The following UMODL1 variants were observed in gnomAD, a reference collection of about 807,000 sequenced individuals.
UMODL1 encodes uromodulin-like 1.
UMODL1 carries 128 observed loss-of-function variants against 136.3 expected under a neutral mutation model. The ratio of observed to expected loss-of-function variants is 0.94; its 90% CI spans 0.81 to 1.09. The LOEUF is 1.09. Among genes scored for constraint, UMODL1 ranks in the 50% least tolerant of loss-of-function variants. The probability of loss-of-function intolerance (pLI) is 0.00; values close to 1 mark genes in which losing one functional copy is unlikely to be tolerated. For synonymous variants in UMODL1, 721 were observed against 720.0 expected (o/e 1.00, Z -0.02); for missense variants, 1,766 against 1,725.6 (o/e 1.02, Z -0.41).
intron 9 of UMODL1, among the ~76,000 whole-genome samples, chr21:42,106,571 G>A (rs970003617): frequency 6.6e-6 from 1 of 152,172 alleles, no homozygotes. Context: ...CGGGGCCTGG[G>A]GTTTCCTGCG....
intron 21 of UMODL1, among the ~76,000 whole-genome samples, chr21:42,132,021 A>C (rs1433014382): frequency 1.3e-5 from 2 of 152,222 alleles, no homozygotes; most frequent in Admixed American, 6.5e-5. Context: ...CTAGGGGGTG[A>C]AAAGCACTAG....
At position 42,121,224 on chromosome 21, in the gene UMODL1, G is replaced by C. The variant is rs369090858; in HGVS notation, c.2827G>C (p.Gly943Arg). 1.9e-6 allele frequency: 3 copies of C among 1,608,616 alleles called. No individual in the cohort carries two copies. The highest frequency in any genetic ancestry group is 2.5e-6 in the Non-Finnish European group (3 of 1,177,634). ...GGAATATTCTGAGAGACCCTGTGAA[G>C]GTAATGTCGTCAGAGTTTCTTCTTC... ...PVEYSERPCE[G>R]DSPGNETWAT... is the part of the protein sequence containing the mutation. The change falls in exon 16 of 23, where the codon GGT becomes CGT. Residue 943 changes from glycine to arginine, a missense_variant and splice_region_variant. Transcript: ENST00000408910.
chr21:42,121,589 G>A (rs1021502186), intron 16 of UMODL1, among the ~76,000 whole-genome samples: 3 of 152,124 alleles, frequency 2.0e-5, no homozygotes, highest in Admixed American at 1.3e-4. Context: ...CGCGACACAG[G>A]GGAATGTTTC....
rs1403849685 is a variant in UMODL1 at position 42,137,462 on chromosome 21, G to C, written c.3799G>C (p.Gly1267Arg). The change falls in exon 22 of 23, where the codon GGC becomes CGC. Residue 1267 changes from glycine to arginine, a missense_variant. Coordinates refer to ENST00000408910, the MANE Select transcript of UMODL1 (RefSeq NM_001004416.3). Reference sequence around the variant, plus strand: ...AGGTGAGCCTCCTCATGCAGAAGCAGGCCTGGGTGCCGGTTATGTGGTCCT... The same window carrying C: ...AGGTGAGCCTCCTCATGCAGAAGCACGCCTGGGTGCCGGTTATGTGGTCCT... ...SEGEPPHAEAGLGAGYVVLIV... is the reference protein window; with the variant it reads ...SEGEPPHAEARLGAGYVVLIV... The C allele has an allele frequency of 3.7e-6, 6 of 1,614,144 alleles. No individual in the cohort carries two copies. The highest frequency in any genetic ancestry group is 1.7e-5 in the Admixed American group (1 of 60,012).
Position 42,102,291 on chromosome 21 carries a change from T to G in UMODL1, c.1299+13T>G, listed in dbSNP as rs753589640. ...ACTGCTTCACGAGGTAAAGCCACAATGCAGACAGAAATCTTTTCTTGGGTG... is the reference window on the plus strand; with the variant it reads ...ACTGCTTCACGAGGTAAAGCCACAAGGCAGACAGAAATCTTTTCTTGGGTG... On this transcript the variant is annotated intron_variant, in intron 8 of 22. Coordinates refer to ENST00000408910, the MANE Select transcript of UMODL1 (RefSeq NM_001004416.3). 1.9e-6 allele frequency: 3 copies of G among 1,575,782 alleles called. No individual in the cohort carries two copies. Among genetic ancestry groups the G allele is most frequent in the Non-Finnish European group, 2.6e-6 (3 of 1,148,386 alleles).
Position 42,103,270 on chromosome 21 carries a change from C to G in UMODL1, c.1300-598C>G, listed in dbSNP as rs972357547. On this transcript the variant is annotated intron_variant, in intron 8 of 22. Coordinates refer to ENST00000408910, the MANE Select transcript of UMODL1 (RefSeq NM_001004416.3). ...CAGAGTGTTGCTTCCCAACATTTGCCTGGAGGAGGAATCTGGTTTTCAATG... is the reference window on the plus strand; with the variant it reads ...CAGAGTGTTGCTTCCCAACATTTGCGTGGAGGAGGAATCTGGTTTTCAATG... The G allele has an allele frequency of 3.8e-4, 82 of 213,510 alleles. 1 individual carries two copies. Among genetic ancestry groups the G allele is most frequent in the Admixed American group, 4.7e-4 (9 of 19,224 alleles). The allele number at this position is 213,510 out of a possible 1,614,324, so 13.2% of individuals were successfully genotyped here.
intron 22 of UMODL1, among the ~76,000 whole-genome samples, chr21:42,138,319 G>C (rs953651364): frequency 6.6e-6 from 1 of 152,164 alleles, no homozygotes; most frequent in Non-Finnish European, 1.5e-5. Context: ...CTGAAACCTG[G>C]TGCTCGTAGG....
chr21:42,071,274 T>C, upstream of UMODL1: 1 of 1,476,884 alleles, frequency 6.8e-7, no homozygotes. Flanking sequence ...CCCAGGCTTC[T>C]TGGTAGAGGC....
At position 42,100,999 on chromosome 21, in the gene UMODL1, GCA is replaced by G. The variant is rs145559582; in HGVS notation, c.1187-1164_1187-1163del. On this transcript the variant is annotated intron_variant, in intron 7 of 22. Transcript: ENST00000408910. ...AAAAATACCTGCATTCCAATGTCAG[GCA>G]CAGATAATTTGGAAGACTCTAGAAG... Among the ~76,000 whole-genome samples, 170 of 147,634 alleles carry G rather than the reference GCA, an allele frequency of 1.2e-3. 5 individuals carry two copies. In the East Asian group the frequency reaches 0.026, roughly 22 times the overall value.
intron 4 of UMODL1, 61 bp from the exon 5 acceptor site, chr21:42,088,233 C>A: frequency 6.4e-7 from 1 of 1,566,352 alleles, no homozygotes; most frequent in Non-Finnish European, 8.7e-7. Flanking sequence ...GGGCCTCAGT[C>A]TCCTCGTCTG....
chr21:42,110,080 T>C (rs1206741148), intron 10 of UMODL1, among the ~76,000 whole-genome samples: 2 of 130,544 alleles, frequency 1.5e-5, no homozygotes, highest in Admixed American at 7.4e-5. Flanking sequence ...CCCGAGAGGG[T>C]GTGGCCTGGA....
chr21:42,100,647 C>T (rs146298972), intron 7 of UMODL1, among the ~76,000 whole-genome samples: 2 of 152,128 alleles, frequency 1.3e-5, no homozygotes, highest in Non-Finnish European at 2.9e-5. Flanking sequence ...CATTACAGAA[C>T]CATCCTCCAG....
chr21:42,071,045 A>G (rs1307795641), upstream of UMODL1, among the ~76,000 whole-genome samples: 2 of 152,198 alleles, frequency 1.3e-5, no homozygotes, highest in South Asian at 2.1e-4. Flanking sequence ...CACCTTTCCT[A>G]AAAGATGCCA....
At chr21:42,091,158 T>C (rs966177696) in intron 6 of UMODL1, among the ~76,000 whole-genome samples, 3 of 152,234 alleles carry the variant, frequency 2.0e-5, no homozygotes, top group African/African-American at 7.2e-5. Context: ...ATTTAGGTGC[T>C]ATTCACTGTG....
chr21:42,079,729 T>C (rs1178463769), intron 2 of UMODL1, among the ~76,000 whole-genome samples: 5 of 152,160 alleles, frequency 3.3e-5, no homozygotes, highest in Non-Finnish European at 7.4e-5. Flanking sequence ...CATGTGGGGA[T>C]CCAGGCTAGG....
chr21:42,115,539 G>A (rs1358752052), intron 13 of UMODL1, among the ~76,000 whole-genome samples: 1 of 152,202 alleles, frequency 6.6e-6, no homozygotes, highest in East Asian at 1.9e-4. Context: ...CATGCTTCAA[G>A]TCATGCCAGC....
intron 8 of UMODL1, 67 bp downstream of exon 8, chr21:42,102,345 G>C (rs893360718): frequency 8.4e-7 from 1 of 1,193,070 alleles, no homozygotes; most frequent in Non-Finnish European, 1.2e-6. Flanking sequence ...AACACAAGCC[G>C]TTAATTCCTG....
chr21:42,089,095 G>A (rs527925651), intron 5 of UMODL1, among the ~76,000 whole-genome samples: 9 of 152,234 alleles, frequency 5.9e-5, no homozygotes, highest in East Asian at 1.9e-4. Context: ...TTGGCTTTGC[G>A]GGCCCACGTG....
intron 5 of UMODL1, among the ~76,000 whole-genome samples, 161 bp downstream of exon 5, chr21:42,088,641 G>A (rs2066455746): frequency 6.6e-6 from 1 of 152,208 alleles, no homozygotes; most frequent in South Asian, 2.1e-4. Context: ...TCATCCCACA[G>A]GTGTGGGACC....
Sources: allele counts gnomAD v4.1 joint callset (sites outside exome capture counted in the v4.1 genomes callset), GRCh38; gene constraint gnomAD v4.1.1; transcripts MANE v1.5; gene names NCBI Gene and HGNC (gene_info 2026-07-23, HGNC 2026-07-21).